Variants in WHR1 observed in about 807,000 individuals in gnomAD.
WHR1 encodes MHC class III HLA-RP1.
the WHR1 span, chr6:31,972,001 A>G: frequency 1.9e-6 from 3 of 1,603,122 alleles, no homozygotes; most frequent in South Asian, 2.2e-5. The surrounding 1 kb of genome is among the most constrained non-coding windows in gnomAD (Gnocchi z 6.3). Context: ...CGAAGGATGC[A>G]AAAGTGGTTT....
At chr6:31,972,826 C>T in the WHR1 span, 1 of 1,582,426 alleles carries the variant, frequency 6.3e-7, no homozygotes, top group African/African-American at 1.3e-5. The surrounding 1 kb of genome is among the most constrained non-coding windows in gnomAD (Gnocchi z 6.3). Flanking sequence ...CACTCAGTCA[C>T]TCCGCCAGCC....
chr6:31,971,355 C>G, the WHR1 span: 1 of 1,557,550 alleles, frequency 6.4e-7, no homozygotes, highest in Non-Finnish European at 8.7e-7. This position sits in a 1 kb window ranked among gnomAD's most constrained non-coding sequence, Gnocchi z 4.5. Flanking sequence ...GGAGCCAGCA[C>G]AGCAGGTGGT....
chr6:31,972,070 G>C, the WHR1 span: 2 of 1,612,884 alleles, frequency 1.2e-6, no homozygotes, highest in Non-Finnish European at 1.7e-6. The surrounding 1 kb of genome is among the most constrained non-coding windows in gnomAD (Gnocchi z 6.3). Flanking sequence ...TCCCGGGGCG[G>C]GGGAGGTGTG....
At chr6:31,973,591 C>T in the WHR1 span, among the ~76,000 whole-genome samples, 1 of 152,082 alleles carries the variant, frequency 6.6e-6, no homozygotes, top group Non-Finnish European at 1.5e-5. Context: ...GCACGTTTGC[C>T]ACATATACAT....
chr6:31,977,647 C>A, the WHR1 span, among the ~76,000 whole-genome samples: 3 of 151,864 alleles, frequency 2.0e-5, no homozygotes, highest in Admixed American at 6.6e-5. Context: ...CCGCATCTGG[C>A]CTATTTTTGT....
At chr6:31,971,365 T>G in the WHR1 span, 2 of 1,565,358 alleles carry the variant, frequency 1.3e-6, no homozygotes, top group Admixed American at 1.8e-5. This position sits in a 1 kb window ranked among gnomAD's most constrained non-coding sequence, Gnocchi z 4.5. Context: ...CAGCAGGTGG[T>G]CCAGCCTTTC....
chr6:31,981,075 C>T, the WHR1 span: 4 of 451,088 alleles, frequency 8.9e-6, no homozygotes, highest in African/African-American at 6.1e-5. Flanking sequence ...TTGCTCAGCT[C>T]CTCAGAGTGG....
chr6:31,977,421 C>T, the WHR1 span, among the ~76,000 whole-genome samples: 1 of 150,436 alleles, frequency 6.6e-6, no homozygotes, highest in Non-Finnish European at 1.5e-5. Flanking sequence ...TGGCTTACTG[C>T]AAGCTCTGCC....
At chr6:31,980,429 G>C in the WHR1 span, 1 of 1,603,874 alleles carries the variant, frequency 6.2e-7, no homozygotes, top group Non-Finnish European at 8.5e-7. Context: ...CCTCATCTCT[G>C]CTGGCTTCCC....
the WHR1 span, chr6:31,979,490 G>A: frequency 5.0e-6 from 8 of 1,612,890 alleles, no homozygotes; most frequent in Non-Finnish European, 6.8e-6. Context: ...CCAGCCTGTG[G>A]GGACCTTAGT....
chr6:31,979,244 G>A, the WHR1 span, among the ~76,000 whole-genome samples: 1 of 100,724 alleles, frequency 9.9e-6, no homozygotes, highest in Non-Finnish European at 2.0e-5. Flanking sequence ...GGGAGGAGGA[G>A]GGGGGGAGGA....
the WHR1 span, chr6:31,980,616 A>C: frequency 6.3e-7 from 1 of 1,590,546 alleles, no homozygotes; most frequent in South Asian, 1.1e-5. Flanking sequence ...TCTAGGCCTT[A>C]TTCACCTTTC....
the WHR1 span, chr6:31,972,761 AG>A: frequency 6.2e-7 from 1 of 1,610,752 alleles, no homozygotes; most frequent in East Asian, 2.2e-5. This position sits in a 1 kb window ranked among gnomAD's most constrained non-coding sequence, Gnocchi z 6.3. Flanking sequence ...GCAGCTGGTG[AG>A]GGGCGTCGGT....
the WHR1 span, chr6:31,978,979 C>G: frequency 4.3e-6 from 7 of 1,612,314 alleles, no homozygotes; most frequent in South Asian, 5.5e-5. Context: ...ATTATCTTCA[C>G]TGAGGACTAC....
chr6:31,976,716 A>G, the WHR1 span, among the ~76,000 whole-genome samples: 1 of 152,200 alleles, frequency 6.6e-6, no homozygotes, highest in African/African-American at 2.4e-5. Context: ...AGGTTGTAGC[A>G]AGCCGAGATC....
the WHR1 span, among the ~76,000 whole-genome samples, chr6:31,978,722 T>G: frequency 6.6e-6 from 1 of 152,216 alleles, no homozygotes; most frequent in Non-Finnish European, 1.5e-5. Context: ...AGAATGTGGG[T>G]AGCTAGTTGG....
At chr6:31,975,934 C>A in the WHR1 span, among the ~76,000 whole-genome samples, 1 of 134,736 alleles carries the variant, frequency 7.4e-6, no homozygotes, top group Non-Finnish European at 1.6e-5. Flanking sequence ...CCCTCCCGGA[C>A]GGGGCGGCTG....
chr6:31,979,592 G>A, the WHR1 span: 2 of 1,608,358 alleles, frequency 1.2e-6, no homozygotes, highest in Non-Finnish European at 1.7e-6. Context: ...GGCATCTGGT[G>A]CTTCCCTGCC....
chr6:31,979,250 G>A, the WHR1 span, among the ~76,000 whole-genome samples: 2 of 95,436 alleles, frequency 2.1e-5, no homozygotes. Context: ...AGGAGGGGGG[G>A]AGGAAGAGGG....
Sources: gnomAD v4.1 joint callset for allele counts (sites outside exome capture counted in the v4.1 genomes callset) on GRCh38, gnomAD v4.1.1 for gene constraint, Gnocchi (gnomAD v3.1) non-coding constraint, MANE v1.5 for transcripts, NCBI Gene and HGNC (gene_info 2026-07-23, HGNC 2026-07-21) for gene names.